Variants in TFDP2 observed in about 807,000 individuals in gnomAD.
TFDP2 encodes transcription factor Dp-2.
TFDP2 carries 17 observed loss-of-function variants against 59.3 expected under a neutral mutation model. The ratio of observed to expected loss-of-function variants is 0.29; its 90% CI spans 0.20 to 0.43. The LOEUF is 0.43. Ranked by LOEUF, TFDP2 falls within the 20% of genes least tolerant of loss-of-function variation. TFDP2 has a pLI of 1.00. For synonymous variants in TFDP2, 180 were observed against 194.7 expected, an observed-to-expected ratio of 0.92 and a Z score of 0.63; for missense variants, 391 against 528.8, an observed-to-expected ratio of 0.74 and a Z score of 2.56.
At chr3:142,108,761 T>TA (rs1301284347) in intron 1 of TFDP2, among the ~76,000 whole-genome samples, 1 of 152,170 alleles carries the variant, frequency 6.6e-6, no homozygotes, top group African/African-American at 2.4e-5. Context: ...GGTATATGCC[T>TA]ACCTCTCCAG....
chr3:142,006,470 T>A (rs1351675984), intron 3 of TFDP2, among the ~76,000 whole-genome samples: 1 of 68,572 alleles, frequency 1.5e-5, no homozygotes, highest in Admixed American at 1.2e-4. Flanking sequence ...TCCCTTACTA[T>A]TTTTTTTTTT....
At chr3:142,123,023 T>C (rs2062104836) in intron 1 of TFDP2, among the ~76,000 whole-genome samples, 1 of 152,014 alleles carries the variant, frequency 6.6e-6, no homozygotes, top group Admixed American at 6.6e-5. Context: ...AGTGGCGCGA[T>C]CTCGGCTCAC....
At chr3:141,976,327 T>TA (rs1174957018) in intron 7 of TFDP2, among the ~76,000 whole-genome samples, 2 of 152,120 alleles carry the variant, frequency 1.3e-5, no homozygotes, top group East Asian at 3.8e-4. Flanking sequence ...TCAAGGAACT[T>TA]AAGTTATAAA....
chr3:142,144,425 TAA>T (rs2063089231), intron 1 of TFDP2, among the ~76,000 whole-genome samples: 1 of 150,958 alleles, frequency 6.6e-6, no homozygotes, highest in Non-Finnish European at 1.5e-5. Flanking sequence ...AAAAGGACAG[TAA>T]AGAGGAAACA....
chr3:141,974,938 G>A (rs1940390276), intron 7 of TFDP2, among the ~76,000 whole-genome samples: 1 of 110,878 alleles, frequency 9.0e-6, no homozygotes, highest in Non-Finnish European at 1.7e-5. Context: ...TTTTGAGACA[G>A]TGTCTCGCTC....
At chr3:142,054,942 T>C (rs1397584930) in intron 3 of TFDP2, among the ~76,000 whole-genome samples, 1 of 152,198 alleles carries the variant, frequency 6.6e-6, no homozygotes, top group Non-Finnish European at 1.5e-5. Flanking sequence ...CCAAAAGTTA[T>C]ACTTGAACCT....
At chr3:142,038,127 G>C (rs1022491611) in intron 3 of TFDP2, among the ~76,000 whole-genome samples, 1 of 152,220 alleles carries the variant, frequency 6.6e-6, no homozygotes, top group Non-Finnish European at 1.5e-5. Flanking sequence ...GCACACGCCT[G>C]TAATCCCAGC....
intron 6 of TFDP2, among the ~76,000 whole-genome samples, chr3:141,980,616 C>T (rs1309477467): frequency 6.6e-6 from 1 of 152,062 alleles, no homozygotes; most frequent in East Asian, 1.9e-4. Context: ...GATCTCAGCT[C>T]ACTGAGAAAC....
chr3:142,105,495 T>C (rs933460710), intron 1 of TFDP2, among the ~76,000 whole-genome samples: 6 of 152,148 alleles, frequency 3.9e-5, no homozygotes, highest in African/African-American at 1.4e-4. Flanking sequence ...CAGAGCATAG[T>C]TGTGATGGCT....
intron 9 of TFDP2, among the ~76,000 whole-genome samples, chr3:141,968,837 CAT>C (rs1302620075): frequency 1.4e-5 from 1 of 73,918 alleles, no homozygotes. Flanking sequence ...ATATATATCT[CAT>C]ATATATAGAT....
intron 7 of TFDP2, among the ~76,000 whole-genome samples, chr3:141,976,139 A>C (rs1052069848): frequency 2.0e-5 from 3 of 152,158 alleles, no homozygotes; most frequent in Non-Finnish European, 2.9e-5. Flanking sequence ...TCGGCCTCCC[A>C]AAGTGCTGGG....
chr3:141,957,240 C>T (rs189156103), intron 11 of TFDP2, among the ~76,000 whole-genome samples: 7 of 152,242 alleles, frequency 4.6e-5, no homozygotes, highest in African/African-American at 1.7e-4. Flanking sequence ...ATCACTTGAA[C>T]CTGGGAGGTG....
At chr3:142,060,232 T>A (rs1047918287) in intron 3 of TFDP2, among the ~76,000 whole-genome samples, 2 of 152,200 alleles carry the variant, frequency 1.3e-5, no homozygotes, top group Non-Finnish European at 2.9e-5. Context: ...TTTCCTGAAC[T>A]CCTTGCCTCA....
chr3:142,021,047 T>C (rs925789979), intron 3 of TFDP2, among the ~76,000 whole-genome samples: 2 of 152,146 alleles, frequency 1.3e-5, no homozygotes, highest in African/African-American at 4.8e-5. Flanking sequence ...CACATGCACA[T>C]TACACCACTG....
intron 1 of TFDP2, among the ~76,000 whole-genome samples, chr3:142,106,127 A>C (rs76026833): frequency 3.3e-5 from 5 of 151,902 alleles, no homozygotes; most frequent in Non-Finnish European, 5.9e-5. Context: ...AAAAAAAAAA[A>C]CTCTTCTAAA....
intron 9 of TFDP2, among the ~76,000 whole-genome samples, chr3:141,969,614 AAAC>A (rs992614316): frequency 1.3e-5 from 2 of 152,080 alleles, no homozygotes; most frequent in African/African-American, 4.8e-5. Flanking sequence ...CAGTCTCAAA[AAAC>A]AACAACAACA....
At chr3:142,059,171 T>C (rs895180706) in intron 3 of TFDP2, among the ~76,000 whole-genome samples, 2 of 152,216 alleles carry the variant, frequency 1.3e-5, no homozygotes, top group African/African-American at 4.8e-5. Flanking sequence ...TAGATATGCT[T>C]TGATCAATTC....
chr3:141,974,040 T>C lies in TFDP2; in HGVS notation c.663+8A>G, dbSNP rs1455279482. On this transcript the variant is annotated splice_region_variant and intron_variant, in intron 8 of 12. Coordinates refer to ENST00000489671, the MANE Select transcript of TFDP2 (RefSeq NM_001178139.2). ...AACAGCTATTCATAAACAGATTTTC[T>C]CACTTACCTCCAGATTCTGACATTC... The C allele has an allele frequency of 1.2e-6, 2 of 1,606,462 alleles. No individual in the cohort carries two copies. Among genetic ancestry groups the C allele is most frequent in the South Asian group, 2.3e-5 (2 of 88,808 alleles).
intron 3 of TFDP2, among the ~76,000 whole-genome samples, chr3:142,008,729 T>C (rs1944409601): frequency 6.6e-6 from 1 of 151,666 alleles, no homozygotes; most frequent in Non-Finnish European, 1.5e-5. Context: ...GCATATAAAG[T>C]GTATATATAT....
Sources: gnomAD v4.1 joint callset for allele counts (sites outside exome capture counted in the v4.1 genomes callset) on GRCh38, gnomAD v4.1.1 for gene constraint, MANE v1.5 for transcripts, NCBI Gene and HGNC (gene_info 2026-07-23, HGNC 2026-07-21) for gene names.